Variants in PTPRD observed in about 807,000 individuals in gnomAD.
PTPRD encodes the protein receptor-type tyrosine-protein phosphatase delta.
A neutral mutation model predicts 214.5 loss-of-function variants in PTPRD; 34 were observed. The ratio of observed to expected loss-of-function variants is 0.16; its 90% CI spans 0.12 to 0.21. The LOEUF is 0.21. Among genes scored for constraint, PTPRD ranks in the 10% least tolerant of loss-of-function variants. PTPRD has a pLI of 1.00. For synonymous variants in PTPRD, 1,128 were observed against 845.7 expected (o/e 1.33, Z -5.79); for missense variants, 2,545 against 2,398.7 (o/e 1.06, Z -1.27).
rs557873189 is a variant in PTPRD at position 8,984,392 on chromosome 9, C to T, written c.-104+34305G>A. Among the ~76,000 whole-genome samples, 3 of 152,106 alleles carry T rather than the reference C, an allele frequency of 2.0e-5. No homozygotes were observed. The South Asian group carries it at 6.2e-4, about 32-fold the overall frequency. ...ATGAATCTTTAATAACAAGAACCTCCAATTTTGATAGTTATGCTTCCTCTC... is the reference window on the plus strand; with the variant it reads ...ATGAATCTTTAATAACAAGAACCTCTAATTTTGATAGTTATGCTTCCTCTC... On this transcript the variant is annotated intron_variant, in intron 11 of 45. Coordinates refer to ENST00000381196, the MANE Select transcript of PTPRD (RefSeq NM_002839.4).
chr9:9,710,244 G>A (rs2097700037), intron 7 of PTPRD, among the ~76,000 whole-genome samples: 1 of 152,030 alleles, frequency 6.6e-6, no homozygotes, highest in African/African-American at 2.4e-5. Context: ...AGAAACTAAA[G>A]CTCAAATAAG....
chr9:10,073,488 G>T (rs886708635), intron 3 of PTPRD, among the ~76,000 whole-genome samples: 11 of 152,076 alleles, frequency 7.2e-5, no homozygotes, highest in East Asian at 1.9e-4. Context: ...GTAGAATAAA[G>T]AAATAACATT....
intron 10 of PTPRD, among the ~76,000 whole-genome samples, chr9:9,032,617 AG>A (rs2099609228): frequency 1.2e-4 from 1 of 8,556 alleles, no homozygotes; most frequent in Non-Finnish European, 4.9e-3. Flanking sequence ...AATTGGTGCT[AG>A]AAAAAAAAAA....
chr9:9,503,586 G>C (rs2096489890), intron 8 of PTPRD, among the ~76,000 whole-genome samples: 1 of 151,772 alleles, frequency 6.6e-6, no homozygotes, highest in Non-Finnish European at 1.5e-5. Flanking sequence ...GTCAACTACA[G>C]TAAATATTGC....
chr9:9,140,644 T>C (rs145072183), intron 10 of PTPRD, among the ~76,000 whole-genome samples: 2,816 of 152,306 alleles, frequency 0.018, 40 homozygotes, highest in East Asian at 0.089. Flanking sequence ...AGAGGCGCGA[T>C]CTCGGCTCAC....
At chr9:9,857,947 G>T (rs1366122026) in intron 5 of PTPRD, among the ~76,000 whole-genome samples, 3 of 152,100 alleles carry the variant, frequency 2.0e-5, no homozygotes, top group African/African-American at 4.8e-5. Context: ...CAAATGGAAA[G>T]AAATAATTTT....
chr9:8,587,446 A>G (rs2093752139), intron 14 of PTPRD, among the ~76,000 whole-genome samples: 1 of 152,234 alleles, frequency 6.6e-6, no homozygotes, highest in South Asian at 2.1e-4. Flanking sequence ...AGAAAAGAAT[A>G]AATACATATT....
chr9:9,133,293 C>T (rs924840892), intron 10 of PTPRD, among the ~76,000 whole-genome samples: 7 of 152,104 alleles, frequency 4.6e-5, no homozygotes, highest in Admixed American at 2.6e-4. Context: ...GTTATTCTTA[C>T]GATGTTCCAG....
intron 3 of PTPRD, among the ~76,000 whole-genome samples, chr9:10,171,464 G>A (rs551349936): frequency 1.3e-5 from 2 of 152,200 alleles, no homozygotes; most frequent in Admixed American, 6.5e-5. Context: ...CCCCAGCCAC[G>A]TAGAACTGTG....
chr9:8,693,678 A>C (rs937664235), intron 12 of PTPRD, among the ~76,000 whole-genome samples: 6 of 152,170 alleles, frequency 3.9e-5, no homozygotes, highest in African/African-American at 1.4e-4. Flanking sequence ...GTGTTAATCA[A>C]GGTAAGTGAG....
intron 5 of PTPRD, among the ~76,000 whole-genome samples, chr9:9,845,028 ACT>A (rs1408688685): frequency 2.1e-5 from 3 of 145,428 alleles, no homozygotes; most frequent in Non-Finnish European, 4.5e-5. Context: ...GTATATATAT[ACT>A]GCTATATATA....
At chr9:9,373,901 T>C (rs1219772426) in intron 9 of PTPRD, among the ~76,000 whole-genome samples, 2 of 152,136 alleles carry the variant, frequency 1.3e-5, no homozygotes, top group African/African-American at 2.4e-5. Context: ...TAATTTTTTA[T>C]ATATTATGGA....
At chr9:8,384,906 G>A (rs1003014499) in intron 37 of PTPRD, among the ~76,000 whole-genome samples, 11 of 152,154 alleles carry the variant, frequency 7.2e-5, no homozygotes, top group Admixed American at 2.0e-4. Context: ...AGGGTTGATA[G>A]CTGAATGTAT....
intron 3 of PTPRD, among the ~76,000 whole-genome samples, chr9:10,254,933 T>C (rs1455167855): frequency 1.3e-5 from 2 of 152,188 alleles, no homozygotes; most frequent in Non-Finnish European, 2.9e-5. Context: ...AATCCAAATA[T>C]ATATTACAAT....
At chr9:9,935,162 C>T (rs1251098877) in intron 5 of PTPRD, among the ~76,000 whole-genome samples, 1 of 151,974 alleles carries the variant, frequency 6.6e-6, no homozygotes, top group African/African-American at 2.4e-5. Flanking sequence ...TGAAAACTGG[C>T]ACAAGACAGG....
At chr9:9,277,716 T>A (rs1446837841) in intron 9 of PTPRD, among the ~76,000 whole-genome samples, 1 of 151,436 alleles carries the variant, frequency 6.6e-6, no homozygotes, top group East Asian at 2.0e-4. Context: ...TAATTACTTT[T>A]ATAAGATGTT....
At chr9:9,040,854 G>C (rs999059904) in intron 10 of PTPRD, among the ~76,000 whole-genome samples, 1 of 152,080 alleles carries the variant, frequency 6.6e-6, no homozygotes, top group African/African-American at 2.4e-5. Context: ...GGAGTTTAGA[G>C]CCTTTGAAAA....
At chr9:10,105,379 A>G (rs2098615437) in intron 3 of PTPRD, among the ~76,000 whole-genome samples, 1 of 151,864 alleles carries the variant, frequency 6.6e-6, no homozygotes, top group Non-Finnish European at 1.5e-5. Flanking sequence ...TTTTAATAAG[A>G]ATAGTTAGGT....
chr9:9,142,686 G>T (rs2099862411), intron 10 of PTPRD, among the ~76,000 whole-genome samples: 1 of 152,202 alleles, frequency 6.6e-6, no homozygotes, highest in African/African-American at 2.4e-5. Context: ...AAGCTATACA[G>T]TAGCAGAGGA....
Sources: gnomAD v4.1 joint callset for allele counts (sites outside exome capture counted in the v4.1 genomes callset) on GRCh38, gnomAD v4.1.1 for gene constraint, MANE v1.5 for transcripts, NCBI Gene and HGNC (gene_info 2026-07-23, HGNC 2026-07-21) for gene names.